GRM7: variants seen among roughly 807,000 people sequenced by gnomAD.
GRM7 encodes the protein glutamate metabotropic receptor 7.
In GRM7, 35 loss-of-function variants were observed where a neutral mutation model predicts 84.5. The ratio of observed to expected loss-of-function variants is 0.41; its 90% CI spans 0.32 to 0.55. GRM7 has a LOEUF of 0.55. GRM7 is among the 20% of genes least tolerant of loss of function. The pLI is 0.19. For synonymous variants in GRM7, 487 were observed against 455.1 expected (o/e 1.07, Z -0.89); for missense variants, 1,003 against 1,194.6 (o/e 0.84, Z 2.36).
intron 4 of GRM7, among the ~76,000 whole-genome samples, chr3:7,408,562 T>A (rs1695781119): frequency 6.6e-6 from 1 of 152,180 alleles, no homozygotes; most frequent in Non-Finnish European, 1.5e-5. Context: ...GATTTACATG[T>A]CTTTAACTTC....
intron 4 of GRM7, among the ~76,000 whole-genome samples, chr3:7,339,126 G>A (rs2125076418): frequency 6.6e-6 from 1 of 152,058 alleles, no homozygotes. Context: ...TTCTAGGTAG[G>A]GATATGATTA....
intron 2 of GRM7, among the ~76,000 whole-genome samples, chr3:7,291,053 A>G (rs1313428810): frequency 1.3e-5 from 2 of 151,726 alleles, no homozygotes; most frequent in Non-Finnish European, 2.9e-5. Context: ...CCACAAATCC[A>G]TGCAGGTGCC....
chr3:7,307,513 C>A (rs1265244903), intron 4 of GRM7, among the ~76,000 whole-genome samples: 1 of 152,168 alleles, frequency 6.6e-6, no homozygotes, highest in Non-Finnish European at 1.5e-5. Context: ...TCTCTCCACT[C>A]AAATCTAATT....
intron 1 of GRM7, among the ~76,000 whole-genome samples, chr3:6,903,140 T>C (rs1303872660): frequency 6.6e-6 from 1 of 152,066 alleles, no homozygotes; most frequent in African/African-American, 2.4e-5. Context: ...AATTGGACCA[T>C]ATACCTTATT....
At chr3:7,297,231 C>G (rs1242820591) in intron 2 of GRM7, among the ~76,000 whole-genome samples, 1 of 151,924 alleles carries the variant, frequency 6.6e-6, no homozygotes, top group Non-Finnish European at 1.5e-5. Flanking sequence ...TTAAAATTTA[C>G]CTTGACACTT....
intron 4 of GRM7, among the ~76,000 whole-genome samples, chr3:7,376,743 T>C (rs1276806964): frequency 6.7e-6 from 1 of 148,432 alleles, no homozygotes; most frequent in Non-Finnish European, 1.5e-5. Context: ...GCCTAAAATA[T>C]TTACTATGTG....
At chr3:7,000,553 C>T (rs901332391) in intron 1 of GRM7, among the ~76,000 whole-genome samples, 6 of 152,134 alleles carry the variant, frequency 3.9e-5, no homozygotes, top group African/African-American at 1.4e-4. Context: ...ACATGCACTA[C>T]AAGTAGAGTC....
chr3:7,322,152 G>A (rs1015932601), intron 4 of GRM7, among the ~76,000 whole-genome samples: 1 of 152,022 alleles, frequency 6.6e-6, no homozygotes, highest in African/African-American at 2.4e-5. Flanking sequence ...TCCATAAAAT[G>A]TTAATGATGA....
chr3:6,897,548 T>C (rs79897151), intron 1 of GRM7, among the ~76,000 whole-genome samples: 348 of 152,322 alleles, frequency 2.3e-3, no homozygotes, highest in African/African-American at 8.0e-3. Flanking sequence ...CTTGCTTAGC[T>C]TATTGGGATA....
At position 7,216,754 on chromosome 3, in the gene GRM7, GGTTT is replaced by G. The variant is rs1477598385; in HGVS notation, c.736+70091_736+70094del. 3.6e-5 allele frequency among the ~76,000 whole-genome samples: 5 copies of G among 139,012 alleles called. No homozygotes were observed. In the East Asian group the frequency reaches 7.9e-4, roughly 22 times the overall value. The allele number at this position is 139,012 out of a possible 152,430, so 91.2% of individuals were successfully genotyped here. A position where few individuals can be genotyped will look rare whatever the true frequency, so the allele number is the denominator to read the frequency against. On this transcript the variant is annotated intron_variant, in intron 2 of 9. Coordinates refer to ENST00000357716, the MANE Select transcript of GRM7 (RefSeq NM_000844.4). Reference sequence around the variant, plus strand: ...TCATATACTTCTGAAGCCTGTTTAAGGTTTGTTTTTGTTTGTTTGTTTTGCTCTC... The same window carrying G: ...TCATATACTTCTGAAGCCTGTTTAAGGTTTTTGTTTGTTTGTTTTGCTCTC...
At chr3:7,586,534 G>T (rs773749496) in intron 8 of GRM7, among the ~76,000 whole-genome samples, 6 of 152,164 alleles carry the variant, frequency 3.9e-5, no homozygotes, top group Non-Finnish European at 5.9e-5. Flanking sequence ...CAGGCTGGGC[G>T]CAGTGGCTCA....
rs61285408 is a variant in GRM7, at chr3:7,414,077, C to T, written c.1034-946C>T. Among the ~76,000 whole-genome samples, 1,491 of 152,152 alleles carry T rather than the reference C, an allele frequency of 9.8e-3. 25 individuals carry two copies. Among genetic ancestry groups the T allele is most frequent in the African/African-American group, 0.034 (1,419 of 41,510 alleles). On this transcript the variant is annotated intron_variant, in intron 4 of 9. Coordinates refer to ENST00000357716, the MANE Select transcript of GRM7 (RefSeq NM_000844.4). ...TACCTACTTCCTTTGGTTGATGTGACATTTTATGAGAAAATGTACATAAAA... is the reference window on the plus strand; with the variant it reads ...TACCTACTTCCTTTGGTTGATGTGATATTTTATGAGAAAATGTACATAAAA...
chr3:7,008,265 C>G (rs1285641460), intron 1 of GRM7, among the ~76,000 whole-genome samples: 1 of 152,150 alleles, frequency 6.6e-6, no homozygotes, highest in Non-Finnish European at 1.5e-5. Context: ...TATGCAGCAT[C>G]CTGGTGCATC....
chr3:7,449,672 T>C (rs1222537517), intron 5 of GRM7, among the ~76,000 whole-genome samples: 1 of 152,008 alleles, frequency 6.6e-6, no homozygotes, highest in Non-Finnish European at 1.5e-5. Context: ...CAGTCGCATA[T>C]GGAAATTTGA....
intron 7 of GRM7, among the ~76,000 whole-genome samples, chr3:7,514,681 A>T (rs1044184134): frequency 6.6e-6 from 1 of 152,180 alleles, no homozygotes; most frequent in Non-Finnish European, 1.5e-5. Context: ...CCTGCCTTGT[A>T]AAAACTATGG....
intron 1 of GRM7, among the ~76,000 whole-genome samples, chr3:6,997,996 G>C: frequency 6.6e-6 from 1 of 151,530 alleles, no homozygotes; most frequent in East Asian, 1.9e-4. Flanking sequence ...GCCTGCACCT[G>C]TAATACCAGC....
chr3:6,884,435 A>C (rs954386411), intron 1 of GRM7: 1 of 152,356 alleles, frequency 6.6e-6, no homozygotes, highest in East Asian at 1.9e-4. Flanking sequence ...ATTCCTCACA[A>C]TATATTAGGA....
chr3:7,406,671 T>C (rs1695693569), intron 4 of GRM7, among the ~76,000 whole-genome samples: 1 of 152,238 alleles, frequency 6.6e-6, no homozygotes, highest in Admixed American at 6.5e-5. Context: ...TGAGACATTA[T>C]GTCTTCTTAA....
At position 7,740,485 on chromosome 3, in the gene GRM7, T is replaced by C. The variant is rs1187906882; in HGVS notation, c.*79T>C. 2.6e-6 allele frequency: 2 copies of C among 773,970 alleles called. No homozygotes were observed. The highest frequency in any genetic ancestry group is 4.1e-6 in the Non-Finnish European group (2 of 484,266). 47.9% of individuals were successfully genotyped at this position (773,970 alleles called of 1,614,324 possible). The stretch of plus-strand genomic sequence containing the variant: ...CCCAACCTGGCATAGGACTCTTTGG[T>C]CCTACCCGCTTCCCATCACCGGAGG... On this transcript the variant is annotated 3_prime_UTR_variant, in exon 10 of 10. Transcript: ENST00000357716.
Sources: gnomAD v4.1 joint callset for allele counts (sites outside exome capture counted in the v4.1 genomes callset) on GRCh38, gnomAD v4.1.1 for gene constraint, MANE v1.5 for transcripts, NCBI Gene and HGNC (gene_info 2026-07-23, HGNC 2026-07-21) for gene names.